The following SERINC5 variants were observed in gnomAD, a reference collection of about 807,000 sequenced individuals.
The protein encoded by SERINC5 is chromosome 5 open reading frame 12.
A neutral mutation model predicts 63.1 loss-of-function variants in SERINC5; 41 were observed. The ratio of observed to expected loss-of-function variants is 0.65; its 90% CI spans 0.51 to 0.84. SERINC5 has a LOEUF of 0.84. SERINC5 is among the 40% of genes least tolerant of loss of function. The pLI is 0.00. For synonymous variants in SERINC5, 222 were observed against 215.2 expected, an observed-to-expected ratio of 1.03 and a Z score of -0.28; for missense variants, 523 against 573.0, an observed-to-expected ratio of 0.91 and a Z score of 0.89.
chr5:80,215,041 T>C (rs1750603074), intron 1 of SERINC5, among the ~76,000 whole-genome samples: 1 of 152,224 alleles, frequency 6.6e-6, no homozygotes, highest in African/African-American at 2.4e-5. Flanking sequence ...CAATTAAAAA[T>C]AAAATAAAAA....
At chr5:80,186,712 G>C (rs1245765991) in intron 2 of SERINC5, among the ~76,000 whole-genome samples, 1 of 152,170 alleles carries the variant, frequency 6.6e-6, no homozygotes, top group African/African-American at 2.4e-5. Flanking sequence ...CAACAAAAAA[G>C]CTACAGGAAG....
intron 1 of SERINC5, among the ~76,000 whole-genome samples, chr5:80,246,878 C>CT (rs1402476137): frequency 6.6e-6 from 1 of 152,184 alleles, no homozygotes; most frequent in Non-Finnish European, 1.5e-5. Context: ...AAGGTTTACT[C>CT]TGGGCTACTT....
chr5:80,143,445 C>T lies in SERINC5; in HGVS notation c.*218G>A, dbSNP rs147477376. On this transcript the variant is annotated 3_prime_UTR_variant, in exon 12 of 12. Transcript: ENST00000507668. ...AGGGGTAAGATATTTCAACCATGAT[C>T]AGTTTGGTTGAAAATTTCAATTCCT... is the stretch of plus-strand genomic sequence containing the variant. The T allele has an allele frequency of 1.9e-3, 2,530 of 1,314,240 alleles. 31 individuals are homozygous for T. The African/African-American group carries it at 0.032, about 17-fold the overall frequency. 81.4% of individuals were successfully genotyped at this position (1,314,240 alleles called of 1,614,324 possible).
intron 2 of SERINC5, among the ~76,000 whole-genome samples, chr5:80,191,663 TA>T (rs72458092): frequency 0.27 from 31,869 of 116,882 alleles, 4,037 homozygotes; most frequent in African/African-American, 0.38. Flanking sequence ...GCCCTGTCTC[TA>T]AAAAAAAAAA....
At chr5:80,123,665 C>T (rs1744632020) in intron 11 of SERINC5, among the ~76,000 whole-genome samples, 1 of 152,190 alleles carries the variant, frequency 6.6e-6, no homozygotes, top group Non-Finnish European at 1.5e-5. Context: ...AAAAGCGGAG[C>T]TGCTGTCAAG....
intron 5 of SERINC5, 31 bp downstream of exon 5, chr5:80,174,923 T>C: frequency 6.7e-7 from 1 of 1,501,784 alleles, no homozygotes; most frequent in Non-Finnish European, 9.1e-7. Flanking sequence ...TTTCTGTGAG[T>C]CAATGGGAAG....
rs181697417 is a variant in SERINC5 at position 80,224,432 on chromosome 5, G to A, written c.28-21379C>T. ...GTCGAGGCTGCAATGAGCAGATACT[G>A]CACCACTGCACTCCAGCCTGGGTGA... On this transcript the variant is annotated intron_variant, in intron 1 of 11. Transcript: ENST00000507668. Among the ~76,000 whole-genome samples, 9 of 151,180 alleles carry A rather than the reference G, an allele frequency of 6.0e-5. No homozygotes were observed. The South Asian group carries it at 1.5e-3, about 25-fold the overall frequency.
chr5:80,173,459 G>A (rs1382712047), intron 5 of SERINC5, among the ~76,000 whole-genome samples: 2 of 152,144 alleles, frequency 1.3e-5, no homozygotes. Context: ...AGCCGGGCAT[G>A]GTGGCAGGCG....
Position 80,141,295 on chromosome 5 carries a change from A to G in SERINC5, c.*2368T>C. On this transcript the variant is annotated 3_prime_UTR_variant, in exon 12 of 12. Transcript: ENST00000507668. ...ACAAACCAGACTCACGCATCTGGAAAACGTTGTGTGGCTGGGCTGGCTCCA... is the reference window on the plus strand; with the variant it reads ...ACAAACCAGACTCACGCATCTGGAAGACGTTGTGTGGCTGGGCTGGCTCCA... 1 of 985,446 alleles carries G rather than the reference A, an allele frequency of 1.0e-6. No homozygotes were observed. Among genetic ancestry groups the G allele is most frequent in the South Asian group, 4.7e-5 (1 of 21,284 alleles). 61.0% of individuals were successfully genotyped at this position (985,446 alleles called of 1,614,324 possible). A position where few individuals can be genotyped will look rare whatever the true frequency, so the allele number is the denominator to read the frequency against.
At chr5:80,253,971 C>T (rs1377024696) in intron 1 of SERINC5, among the ~76,000 whole-genome samples, 1 of 152,140 alleles carries the variant, frequency 6.6e-6, no homozygotes. Flanking sequence ...TTGCTCATTG[C>T]CCAGGCTTGA....
intron 9 of SERINC5, 119 bp from the exon 10 acceptor site, chr5:80,147,403 C>T (rs1745892400): frequency 1.9e-6 from 2 of 1,029,440 alleles, no homozygotes; most frequent in African/African-American, 3.9e-5. Flanking sequence ...GTGGACTGTT[C>T]TTTCCCAGGT....
At chr5:80,172,744 G>A (rs1229188517) in intron 5 of SERINC5, among the ~76,000 whole-genome samples, 1 of 152,192 alleles carries the variant, frequency 6.6e-6, no homozygotes, top group African/African-American at 2.4e-5. Context: ...ATGGATGATG[G>A]GGAGACAGCA....
At chr5:80,227,902 A>G (rs1475423743) in intron 1 of SERINC5, among the ~76,000 whole-genome samples, 1 of 151,868 alleles carries the variant, frequency 6.6e-6, no homozygotes, top group Non-Finnish European at 1.5e-5. Flanking sequence ...AAAAGTTTCT[A>G]GCAATTATTC....
intron 12 of SERINC5, among the ~76,000 whole-genome samples, chr5:80,112,601 G>A (rs529114741): frequency 1.8e-4 from 27 of 151,930 alleles, no homozygotes; most frequent in Non-Finnish European, 3.5e-4. Context: ...TCAGTCTCTC[G>A]TCCCACCTGA....
downstream of SERINC5, among the ~76,000 whole-genome samples, chr5:80,138,479 C>G (rs775053798): frequency 3.3e-5 from 5 of 151,982 alleles, no homozygotes; most frequent in Admixed American, 2.6e-4. Flanking sequence ...GCCTGTAATC[C>G]CAGCTACTCG....
intron 6 of SERINC5, 128 bp from the exon 7 acceptor site, chr5:80,166,606 G>C: frequency 1.7e-6 from 1 of 593,258 alleles, no homozygotes; most frequent in Non-Finnish European, 3.0e-6. Context: ...AAAGAAAAGA[G>C]AAAAAAATGT....
chr5:80,200,598 C>T (rs1189655693), intron 2 of SERINC5, among the ~76,000 whole-genome samples: 1 of 152,198 alleles, frequency 6.6e-6, no homozygotes, highest in Non-Finnish European at 1.5e-5. Context: ...CAGTGTCTTA[C>T]TGAAGAAAGA....
intron 1 of SERINC5, among the ~76,000 whole-genome samples, chr5:80,250,606 G>A (rs539594963): frequency 1.8e-4 from 28 of 152,194 alleles, no homozygotes; most frequent in Non-Finnish European, 3.7e-4. Context: ...GATTATAGGC[G>A]TGAGCCACCA....
intron 1 of SERINC5, among the ~76,000 whole-genome samples, chr5:80,217,765 G>A (rs1750733156): frequency 6.6e-6 from 1 of 152,072 alleles, no homozygotes; most frequent in Non-Finnish European, 1.5e-5. Flanking sequence ...ATCAAACTCA[G>A]CATCCAGAAA....
Sources: allele counts gnomAD v4.1 joint callset (sites outside exome capture counted in the v4.1 genomes callset), GRCh38; gene constraint gnomAD v4.1.1; transcripts MANE v1.5; gene names NCBI Gene and HGNC (gene_info 2026-07-23, HGNC 2026-07-21).